The following PSD3 variants were observed in gnomAD, a reference collection of about 807,000 sequenced individuals.
The protein encoded by PSD3 is pleckstrin and Sec7 domain containing 3.
In PSD3, 49 loss-of-function variants were observed where a neutral mutation model predicts 105.5. The ratio of observed to expected loss-of-function variants is 0.46; its 90% CI spans 0.37 to 0.59. PSD3 has a LOEUF of 0.59. Ranked by LOEUF, PSD3 falls within the 20% of genes least tolerant of loss-of-function variation. PSD3 has a pLI of 0.00. For missense variants in PSD3, 1,561 were observed against 1,263.8 expected, an observed-to-expected ratio of 1.24 and a Z score of -3.57; for synonymous variants, 557 against 457.8, an observed-to-expected ratio of 1.22 and a Z score of -2.77.
intron 9 of PSD3, among the ~76,000 whole-genome samples, chr8:18,752,559 T>TATATATTAA (rs71217399): frequency 7.0e-5 from 5 of 71,138 alleles, no homozygotes; most frequent in Non-Finnish European, 9.4e-5. Context: ...TATATAATTA[T>TATATATTAA]ATATATTATA....
intron 10 of PSD3, among the ~76,000 whole-genome samples, chr8:18,639,554 T>C (rs567728464): frequency 1.3e-5 from 2 of 152,108 alleles, no homozygotes; most frequent in Non-Finnish European, 2.9e-5. Context: ...AATCTAACAA[T>C]ATTGATGTCC....
intron 8 of PSD3, among the ~76,000 whole-genome samples, chr8:18,772,252 T>G (rs1401564139): frequency 6.6e-6 from 1 of 152,148 alleles, no homozygotes; most frequent in Non-Finnish European, 1.5e-5. Flanking sequence ...CGTGCAGAAA[T>G]GAGATTGGTG....
intron 9 of PSD3, among the ~76,000 whole-genome samples, chr8:18,668,469 C>G (rs1161396926): frequency 6.6e-6 from 1 of 152,204 alleles, no homozygotes; most frequent in African/African-American, 2.4e-5. Flanking sequence ...CTGACTTTCA[C>G]TTGATCTCAC....
chr8:18,677,802 A>T (rs1429934662), intron 9 of PSD3, among the ~76,000 whole-genome samples: 1 of 152,120 alleles, frequency 6.6e-6, no homozygotes, highest in East Asian at 1.9e-4. Flanking sequence ...CGAGGTCAGG[A>T]GATCAAAACC....
intron 9 of PSD3, among the ~76,000 whole-genome samples, chr8:18,765,078 G>A (rs1045863870): frequency 1.3e-5 from 2 of 152,104 alleles, no homozygotes; most frequent in Non-Finnish European, 2.9e-5. Context: ...AACACAGTTG[G>A]AACTGTTTCC....
intron 9 of PSD3, among the ~76,000 whole-genome samples, chr8:18,717,221 C>T (rs532725319): frequency 3.3e-5 from 5 of 152,004 alleles, no homozygotes; most frequent in African/African-American, 9.7e-5. Flanking sequence ...AACCAAATTA[C>T]GTTTATTTTA....
chr8:18,551,700 A>G (rs1480016213), intron 15 of PSD3, among the ~76,000 whole-genome samples: 1 of 152,214 alleles, frequency 6.6e-6, no homozygotes, highest in Admixed American at 6.5e-5. Flanking sequence ...ATTCAAGCCC[A>G]TTAAGTCAAG....
At chr8:18,852,312 T>A (rs1182934718) in intron 4 of PSD3, among the ~76,000 whole-genome samples, 2 of 152,160 alleles carry the variant, frequency 1.3e-5, no homozygotes, top group Non-Finnish European at 2.9e-5. Flanking sequence ...TTCACACAGC[T>A]GCACAGCTAC....
At chr8:18,788,938 G>T (rs1386403805) in intron 8 of PSD3, among the ~76,000 whole-genome samples, 3 of 152,060 alleles carry the variant, frequency 2.0e-5, no homozygotes, top group African/African-American at 4.8e-5. Context: ...GGGCAAAGGA[G>T]GACCCTTTGT....
intron 4 of PSD3, among the ~76,000 whole-genome samples, chr8:18,806,978 C>T (rs917114377): frequency 6.6e-6 from 1 of 152,088 alleles, no homozygotes; most frequent in African/African-American, 2.4e-5. Context: ...CTAAACAACT[C>T]TGAATATGCC....
intron 3 of PSD3, among the ~76,000 whole-genome samples, chr8:18,870,387 G>C (rs1817243275): frequency 1.3e-5 from 2 of 152,132 alleles, no homozygotes; most frequent in African/African-American, 2.4e-5. Flanking sequence ...AGCTGGTGTA[G>C]ATGTCAGAAA....
At chr8:18,575,380 A>C in intron 12 of PSD3, 95 bp from the exon 13 acceptor site, 1 of 1,207,394 alleles carries the variant, frequency 8.3e-7, no homozygotes, top group Non-Finnish European at 1.1e-6. Context: ...GTTTTTAGGA[A>C]ATCCAAGTAA....
intron 10 of PSD3, among the ~76,000 whole-genome samples, chr8:18,637,646 T>C (rs1585461179): frequency 6.6e-6 from 1 of 152,226 alleles, no homozygotes; most frequent in African/African-American, 2.4e-5. Flanking sequence ...CATTTCATTT[T>C]ATGGTCGTGC....
chr8:18,585,201 AG>A (rs1379176103), intron 12 of PSD3, among the ~76,000 whole-genome samples: 1 of 152,222 alleles, frequency 6.6e-6, no homozygotes, highest in Non-Finnish European at 1.5e-5. Flanking sequence ...TACCAGGGAA[AG>A]TAAGGGCCTT....
At chr8:18,790,980 A>C (rs570668843) in intron 8 of PSD3, among the ~76,000 whole-genome samples, 5 of 152,338 alleles carry the variant, frequency 3.3e-5, no homozygotes, top group African/African-American at 1.2e-4. Flanking sequence ...TATAACTGCC[A>C]ACAAAAGAAT....
At position 19,004,848 on chromosome 8, in the gene PSD3, T is replaced by G. The variant is rs140796568; in HGVS notation, c.21+8715A>C. Among the ~76,000 whole-genome samples the G allele has an allele frequency of 2.6e-3, 403 of 152,114 alleles. 5 individuals carry two copies. The highest frequency in any genetic ancestry group is 0.017 in the East Asian group (86 of 5,174). On this transcript the variant is annotated intron_variant, in intron 1 of 15. Transcript: ENST00000327040. ...ATCTGATGGCTTTAAAAATGGGAGT[T>G]TGCCCACACAAGCTGTCTCTTTGCC...
chr8:18,928,197 G>A (rs565746970), intron 2 of PSD3, among the ~76,000 whole-genome samples: 17 of 152,126 alleles, frequency 1.1e-4, no homozygotes, highest in East Asian at 1.9e-4. Flanking sequence ...GGAATCATGC[G>A]GGCAGTTTCC....
chr8:19,021,666 C>T (rs1475573956), intron 1 of PSD3, among the ~76,000 whole-genome samples: 1 of 151,844 alleles, frequency 6.6e-6, no homozygotes, highest in Non-Finnish European at 1.5e-5. Context: ...CCTGGTTGAC[C>T]AAAACTATCT....
intron 10 of PSD3, among the ~76,000 whole-genome samples, chr8:18,651,018 A>G (rs1220268951): frequency 3.3e-5 from 5 of 152,268 alleles, no homozygotes; most frequent in African/African-American, 1.2e-4. Flanking sequence ...TATATAAAGT[A>G]ACAACAATGG....
Sources: allele counts gnomAD v4.1 joint callset (sites outside exome capture counted in the v4.1 genomes callset), GRCh38; gene constraint gnomAD v4.1.1; transcripts MANE v1.5; gene names NCBI Gene and HGNC (gene_info 2026-07-23, HGNC 2026-07-21).